The following GALNT1 variants were observed in gnomAD, a reference collection of about 807,000 sequenced individuals.
GALNT1 encodes polypeptide N-acetylgalactosaminyltransferase 1, also known as GalNAc transferase 1.
A neutral mutation model predicts 65.7 loss-of-function variants in GALNT1; 17 were observed. The observed-to-expected ratio is 0.26, with a 90% CI of 0.18 to 0.39. GALNT1 has a LOEUF of 0.39. Ranked by LOEUF, GALNT1 falls within the 10% of genes least tolerant of loss-of-function variation. The pLI, the probability that GALNT1 is intolerant of heterozygous loss-of-function variation, is 1.00. For missense variants in GALNT1, 460 were observed against 672.8 expected, an observed-to-expected ratio of 0.68 and a Z score of 3.50; for synonymous variants, 210 against 219.7, an observed-to-expected ratio of 0.96 and a Z score of 0.39.
At chr18:35,697,804 G>T (rs1317362631) in intron 9 of GALNT1, among the ~76,000 whole-genome samples, 1 of 152,208 alleles carries the variant, frequency 6.6e-6, no homozygotes, top group Non-Finnish European at 1.5e-5. Context: ...CACCCTTTAT[G>T]ATACTCTCAG....
At chr18:35,687,713 T>TC (rs1427018834) in intron 6 of GALNT1, among the ~76,000 whole-genome samples, 13 of 152,280 alleles carry the variant, frequency 8.5e-5, no homozygotes, top group African/African-American at 2.4e-4. Context: ...TGATTTTTTT[T>TC]CTCTACTTGG....
intron 10 of GALNT1, 62 bp downstream of exon 10, chr18:35,703,057 T>C: frequency 1.1e-6 from 1 of 938,192 alleles, no homozygotes; most frequent in Non-Finnish European, 1.6e-6. Context: ...TTTGCCTTTT[T>C]TTTATACCAT....
At chr18:35,648,704 A>G (rs2047269673) in intron 1 of GALNT1, among the ~76,000 whole-genome samples, 1 of 152,186 alleles carries the variant, frequency 6.6e-6, no homozygotes, top group Admixed American at 6.5e-5. Context: ...TGTTTCTTTG[A>G]GGTATCCTCT....
At chr18:35,607,760 C>CA (rs2046669948) in intron 1 of GALNT1, among the ~76,000 whole-genome samples, 1 of 152,158 alleles carries the variant, frequency 6.6e-6, no homozygotes, top group Non-Finnish European at 1.5e-5. Context: ...GGTCATGCTA[C>CA]AGTCCTTTTT....
intron 9 of GALNT1, among the ~76,000 whole-genome samples, chr18:35,695,901 T>C (rs551323421): frequency 4.7e-4 from 72 of 152,244 alleles, no homozygotes; most frequent in African/African-American, 1.6e-3. Flanking sequence ...TTTTTTGTTT[T>C]TGTTTTGTTT....
chr18:35,662,076 CA>C (rs2047485173), intron 2 of GALNT1, among the ~76,000 whole-genome samples: 1 of 152,094 alleles, frequency 6.6e-6, no homozygotes, highest in Non-Finnish European at 1.5e-5. Flanking sequence ...CAGAGACTGG[CA>C]AGTAGAAATG....
intron 1 of GALNT1, among the ~76,000 whole-genome samples, chr18:35,624,570 T>C (rs986546765): frequency 1.3e-5 from 2 of 152,200 alleles, no homozygotes; most frequent in African/African-American, 4.8e-5. Flanking sequence ...TGTATTGGGA[T>C]TTATTTCTAC....
chr18:35,690,400 G>A (rs1365941394), intron 7 of GALNT1, among the ~76,000 whole-genome samples: 1 of 152,048 alleles, frequency 6.6e-6, no homozygotes, highest in Admixed American at 6.6e-5. Flanking sequence ...TTGTTTGGTG[G>A]TTGTTTTTAA....
At chr18:35,696,102 C>T (rs544685320) in intron 9 of GALNT1, among the ~76,000 whole-genome samples, 1 of 152,282 alleles carries the variant, frequency 6.6e-6, no homozygotes, top group African/African-American at 2.4e-5. Flanking sequence ...TGCTTGTTAT[C>T]GCCTTATTAA....
chr18:35,676,194 A>G (rs551917933), intron 3 of GALNT1, among the ~76,000 whole-genome samples: 75 of 152,198 alleles, frequency 4.9e-4, no homozygotes, highest in African/African-American at 1.6e-3. Flanking sequence ...CAAGCAGTGA[A>G]GTGGAAATGA....
intron 1 of GALNT1, among the ~76,000 whole-genome samples, chr18:35,639,102 G>A (rs1288868789): frequency 6.6e-6 from 1 of 152,202 alleles, no homozygotes; most frequent in Non-Finnish European, 1.5e-5. Flanking sequence ...CAGTGGCAAG[G>A]GGTTTGAGAG....
intron 4 of GALNT1, among the ~76,000 whole-genome samples, chr18:35,680,315 G>A (rs1449855559): frequency 2.0e-5 from 3 of 152,112 alleles, no homozygotes. Flanking sequence ...TGTATTTAGA[G>A]AGGCCTTTCT....
intron 1 of GALNT1, among the ~76,000 whole-genome samples, chr18:35,599,147 G>C (rs1030111992): frequency 6.6e-6 from 1 of 151,876 alleles, no homozygotes; most frequent in African/African-American, 2.4e-5. Flanking sequence ...TAGTTTACAG[G>C]TGTTTTCTCC....
At chr18:35,691,710 A>G (rs570468163) in intron 8 of GALNT1, among the ~76,000 whole-genome samples, 1 of 152,228 alleles carries the variant, frequency 6.6e-6, no homozygotes, top group South Asian at 2.1e-4. Flanking sequence ...AAACTTTGCT[A>G]TTCAGAGTTT....
At chr18:35,692,367 C>T in intron 9 of GALNT1, 47 bp downstream of exon 9, 3 of 1,210,594 alleles carry the variant, frequency 2.5e-6, no homozygotes, top group Non-Finnish European at 3.3e-6. Context: ...TATGTTCTTA[C>T]TTTTTTATTA....
chr18:35,680,153 A>G (rs1295070898), intron 4 of GALNT1, among the ~76,000 whole-genome samples: 2 of 152,202 alleles, frequency 1.3e-5, no homozygotes, highest in Non-Finnish European at 2.9e-5. Context: ...AGTTTGTTAA[A>G]GAATATCATC....
rs1248732149 is a variant in GALNT1 at position 35,709,647 on chromosome 18, C to T, written c.1557C>T (p.Asn519=). ...DPVKLTLQHV[N]SNQCLDKATE... ...AGAAATTAACCCTGCAGCATGTGAA[C>T]AGTAATCAGTGCCTGGATAAAGCCA... The change falls in exon 12 of 12, where the codon AAC becomes AAT. Residue 519 remains asparagine, a synonymous_variant. Transcript: ENST00000269195. The T allele has an allele frequency of 2.5e-6, 4 of 1,613,902 alleles. No individual in the cohort carries two copies. Among genetic ancestry groups the T allele is most frequent in the Non-Finnish European group, 3.4e-6 (4 of 1,179,968 alleles).
intron 1 of GALNT1, among the ~76,000 whole-genome samples, chr18:35,632,144 A>C (rs997161298): frequency 2.6e-5 from 4 of 152,224 alleles, no homozygotes; most frequent in African/African-American, 7.2e-5. Context: ...TTAGAGATTC[A>C]ATGCCATCCC....
intron 4 of GALNT1, among the ~76,000 whole-genome samples, chr18:35,681,731 C>T (rs2047789802): frequency 6.6e-6 from 1 of 152,004 alleles, no homozygotes; most frequent in African/African-American, 2.4e-5. Flanking sequence ...TAAATTTGTG[C>T]TTGATCAGGT....
Sources: gnomAD v4.1 joint callset for allele counts (sites outside exome capture counted in the v4.1 genomes callset) on GRCh38, gnomAD v4.1.1 for gene constraint, MANE v1.5 for transcripts, NCBI Gene and HGNC (gene_info 2026-07-23, HGNC 2026-07-21) for gene names.